COL25A1: variants seen among roughly 807,000 people sequenced by gnomAD.
The protein encoded by COL25A1 is collagen type XXV alpha 1 chain.
Under a neutral mutation model 128.4 loss-of-function variants are expected in COL25A1, and 103 were observed. The observed-to-expected ratio is 0.80, with a 90% CI of 0.68 to 0.94. The LOEUF is 0.94. Among genes scored for constraint, COL25A1 ranks in the 40% least tolerant of loss-of-function variants. The pLI is 0.00. For missense variants in COL25A1, 745 were observed against 840.0 expected (o/e 0.89, Z 1.40); for synonymous variants, 279 against 277.2 (o/e 1.01, Z -0.06).
chr4:109,135,024 C>CAAAAAAAAAAAAAAAAAAAAAAAA (rs574984369), intron 3 of COL25A1, among the ~76,000 whole-genome samples: 1 of 100,732 alleles, frequency 9.9e-6, no homozygotes, highest in Non-Finnish European at 2.2e-5. Context: ...ACTTTTCTGT[C>CAAAAAAAAAAAAAAAAAAAAAAAA]AAAAAAAAAA....
chr4:109,282,956 G>C (rs1354217976), intron 3 of COL25A1, among the ~76,000 whole-genome samples: 1 of 151,898 alleles, frequency 6.6e-6, no homozygotes, highest in Admixed American at 6.6e-5. Flanking sequence ...TATTACTATT[G>C]CTCTATGCAT....
At chr4:109,284,296 G>A (rs1723656534) in intron 3 of COL25A1, among the ~76,000 whole-genome samples, 1 of 152,152 alleles carries the variant, frequency 6.6e-6, no homozygotes, top group Non-Finnish European at 1.5e-5. Context: ...ATGGTGACAT[G>A]TGCCTGTAAT....
rs190015353 is a variant in COL25A1, at chr4:108,947,438, G to A, written c.493-6001C>T. Among the ~76,000 whole-genome samples, 173 of 146,790 alleles carry A rather than the reference G, an allele frequency of 1.2e-3. 1 individual carries two copies. The highest frequency in any genetic ancestry group is 4.3e-3 in the African/African-American group (165 of 38,192). On this transcript the variant is annotated intron_variant, in intron 8 of 37. Coordinates refer to ENST00000399132, the MANE Select transcript of COL25A1 (RefSeq NM_198721.4). ...GCTTGGGCAACAAAAATGAAACTCC[G>A]TCTCAAAAAAAAAAGAAAAAGAAAA...
intron 3 of COL25A1, among the ~76,000 whole-genome samples, chr4:109,243,854 C>A (rs779198768): frequency 4.6e-5 from 7 of 152,064 alleles, no homozygotes; most frequent in Non-Finnish European, 7.4e-5. Flanking sequence ...TAAATTCTTT[C>A]ATTGTCCCTT....
chr4:109,088,300 G>A (rs1350195734), intron 3 of COL25A1, among the ~76,000 whole-genome samples: 1 of 152,188 alleles, frequency 6.6e-6, no homozygotes, highest in Admixed American at 6.5e-5. Context: ...ACAGTGAGGA[G>A]CAGGTATGGG....
chr4:109,239,366 ATGTGTGTGTATG>A (rs1360782501), intron 3 of COL25A1, among the ~76,000 whole-genome samples: 39 of 113,066 alleles, frequency 3.4e-4, no homozygotes, highest in African/African-American at 1.3e-3. Flanking sequence ...TCTATTATAT[ATGTGTGTGTATG>A]TGTGTGTGTG....
intron 29 of COL25A1, 112 bp downstream of exon 29, chr4:108,845,077 T>C (rs1201548634): frequency 2.3e-6 from 2 of 886,438 alleles, no homozygotes; most frequent in Non-Finnish European, 3.8e-6. Flanking sequence ...ACCAAGAGGT[T>C]TGAGGTCTGT....
At chr4:109,248,141 T>C (rs983594839) in intron 3 of COL25A1, among the ~76,000 whole-genome samples, 3 of 152,052 alleles carry the variant, frequency 2.0e-5, no homozygotes, top group African/African-American at 7.2e-5. Flanking sequence ...TATATTTACA[T>C]ATATATAAAT....
At chr4:108,952,831 CTTTTTTTTT>C (rs59761040) in intron 8 of COL25A1, among the ~76,000 whole-genome samples, 8 of 66,988 alleles carry the variant, frequency 1.2e-4, no homozygotes, top group Admixed American at 6.4e-4. Flanking sequence ...AAAAACTCAA[CTTTTTTTTT>C]TTTTTTTTTT....
chr4:108,909,078 T>A (rs1440554145), intron 13 of COL25A1, among the ~76,000 whole-genome samples: 1 of 152,226 alleles, frequency 6.6e-6, no homozygotes, highest in Non-Finnish European at 1.5e-5. Flanking sequence ...TCATCCGTAC[T>A]TGGTGGCTGG....
At chr4:109,260,397 T>A (rs903890685) in intron 3 of COL25A1, among the ~76,000 whole-genome samples, 1 of 152,196 alleles carries the variant, frequency 6.6e-6, no homozygotes, top group African/African-American at 2.4e-5. Flanking sequence ...TCTCTACTCA[T>A]ACAAATAACT....
chr4:109,295,716 C>T (rs1724909751), intron 3 of COL25A1, among the ~76,000 whole-genome samples: 1 of 152,024 alleles, frequency 6.6e-6, no homozygotes, highest in Non-Finnish European at 1.5e-5. Context: ...CATCAAGCTA[C>T]AGCTAACATT....
intron 13 of COL25A1, among the ~76,000 whole-genome samples, chr4:108,915,267 G>A (rs746197676): frequency 3.9e-5 from 6 of 152,230 alleles, no homozygotes; most frequent in Non-Finnish European, 4.4e-5. Flanking sequence ...CCAAGTTTAT[G>A]TGCTAAGGCC....
At chr4:108,884,087 T>C in intron 19 of COL25A1, 91 bp downstream of exon 19, 3 of 1,295,624 alleles carry the variant, frequency 2.3e-6, no homozygotes, top group Non-Finnish European at 3.3e-6. Flanking sequence ...GCATTCTATT[T>C]TTAGTTTCCA....
At chr4:108,899,070 T>A (rs1742513878) in intron 15 of COL25A1, 84 bp downstream of exon 15, 1 of 1,333,436 alleles carries the variant, frequency 7.5e-7, no homozygotes, top group Non-Finnish European at 1.1e-6. Context: ...CATCCATTCA[T>A]GCATATAGTT....
intron 3 of COL25A1, among the ~76,000 whole-genome samples, chr4:109,197,459 AATATTATATATAATAT>A (rs1227870447): frequency 1.7e-5 from 2 of 116,668 alleles, no homozygotes; most frequent in Non-Finnish European, 3.5e-5. Flanking sequence ...ATTATATATA[AATATTATATATAATAT>A]ATATTATATA....
intron 3 of COL25A1, among the ~76,000 whole-genome samples, chr4:109,156,604 C>G (rs1450060299): frequency 6.6e-6 from 1 of 152,084 alleles, no homozygotes; most frequent in Non-Finnish European, 1.5e-5. Context: ...ACAAAGCAAA[C>G]TCATATGTTG....
chr4:108,841,777 G>A, intron 30 of COL25A1, 56 bp from the exon 31 acceptor site: 2 of 1,321,938 alleles, frequency 1.5e-6, no homozygotes, highest in South Asian at 1.2e-5. Context: ...TTCCCAGCAA[G>A]AGTGAATATT....
intron 3 of COL25A1, among the ~76,000 whole-genome samples, chr4:109,265,856 G>C (rs1299778163): frequency 6.6e-6 from 1 of 152,098 alleles, no homozygotes; most frequent in African/African-American, 2.4e-5. Context: ...AATTTTACTG[G>C]TGTACATTTT....
Sources: gnomAD v4.1 joint callset for allele counts (sites outside exome capture counted in the v4.1 genomes callset) on GRCh38, gnomAD v4.1.1 for gene constraint, MANE v1.5 for transcripts, NCBI Gene and HGNC (gene_info 2026-07-23, HGNC 2026-07-21) for gene names.